FAM20C: variants seen among roughly 807,000 people sequenced by gnomAD.
FAM20C encodes FAM20C golgi associated secretory pathway kinase.
In FAM20C, 40 loss-of-function variants were observed where a neutral mutation model predicts 51.5. The ratio of observed to expected loss-of-function variants is 0.78; its 90% CI spans 0.60 to 1.01. FAM20C has a LOEUF of 1.01. FAM20C is among the 50% of genes least tolerant of loss of function. The probability of loss-of-function intolerance (pLI) is 0.00; values close to 1 mark genes in which losing one functional copy is unlikely to be tolerated. For missense variants in FAM20C, 861 were observed against 844.7 expected (o/e 1.02, Z -0.24); for synonymous variants, 406 against 380.6 (o/e 1.07, Z -0.78).
chr7:200,155 G>C (rs564474593), intron 2 of FAM20C, among the ~76,000 whole-genome samples: 1 of 152,374 alleles, frequency 6.6e-6, no homozygotes, highest in South Asian at 2.1e-4. Context: ...CAGCCACCGT[G>C]TCTGTTCCTT....
At chr7:211,025 G>A (rs532698310) in intron 3 of FAM20C, among the ~76,000 whole-genome samples, 11 of 152,020 alleles carry the variant, frequency 7.2e-5, no homozygotes, top group Non-Finnish European at 1.6e-4. Flanking sequence ...GAGAACTGGG[G>A]TTTAGAGAAG....
At chr7:201,989 A>G (rs1218071967) in intron 2 of FAM20C, among the ~76,000 whole-genome samples, 1 of 152,250 alleles carries the variant, frequency 6.6e-6, no homozygotes, top group Non-Finnish European at 1.5e-5. Context: ...ATGAATCAAT[A>G]GGAATGAGTC....
At chr7:252,254 CCGAGGGCACA>C (rs1788428831) in intron 5 of FAM20C, among the ~76,000 whole-genome samples, 1 of 147,604 alleles carries the variant, frequency 6.8e-6, no homozygotes. Context: ...CCTGCCGGAG[CCGAGGGCACA>C]TCAGAGGGCT....
At chr7:246,906 G>T (rs948875935) in intron 4 of FAM20C, among the ~76,000 whole-genome samples, 2 of 152,186 alleles carry the variant, frequency 1.3e-5, no homozygotes, top group African/African-American at 4.8e-5. Flanking sequence ...GGGAGAGGGC[G>T]CCTGCCCTCA....
intron 5 of FAM20C, among the ~76,000 whole-genome samples, 193 bp downstream of exon 5, chr7:248,623 C>T (rs1489569631): frequency 4.2e-4 from 59 of 139,184 alleles, no homozygotes; most frequent in Non-Finnish European, 5.1e-4. Flanking sequence ...TAGCCTGGCA[C>T]GGGGAGCCCA....
At position 195,762 on chromosome 7, in the gene FAM20C, T is replaced by TCTGTGTGCCGG. The variant is rs1260970994; in HGVS notation, c.784+38_784+48dup. ...GTGTCCTTGGGTGCACTCAGGGCCG[T>TCTGTGTGCCGG]CTGTGTGCCGGCTGTGTGGCATCAG... On this transcript the variant is annotated intron_variant, in intron 2 of 9. Coordinates refer to ENST00000313766, the MANE Select transcript of FAM20C (RefSeq NM_020223.4). 2.6e-6 allele frequency: 4 copies of TCTGTGTGCCGG among 1,531,354 alleles called. No homozygotes were observed. The South Asian group carries it at 3.8e-5, about 15-fold the overall frequency. 94.9% of individuals were successfully genotyped at this position (1,531,354 alleles called of 1,614,324 possible).
rs374202691 is a variant in FAM20C at position 250,312 on chromosome 7, G to C, written c.1072+1882G>C. Among the ~76,000 whole-genome samples the C allele has an allele frequency of 1.3e-5, 2 of 152,200 alleles. 1 individual carries two copies. Among genetic ancestry groups the C allele is most frequent in the South Asian group, 4.2e-4 (2 of 4,812 alleles). On this transcript the variant is annotated intron_variant, in intron 5 of 9. Coordinates refer to ENST00000313766, the MANE Select transcript of FAM20C (RefSeq NM_020223.4). ...CCAGGGCTCACCGAGATCCTCATTT[G>C]CTTTCTTCCTCTCAAAGCCCATTAA...
chr7:206,452 C>A (rs559325385), intron 2 of FAM20C, among the ~76,000 whole-genome samples: 1 of 151,552 alleles, frequency 6.6e-6, no homozygotes, highest in Non-Finnish European at 1.5e-5. Flanking sequence ...TGCACCCTCC[C>A]GTGCACTGTG....
rs1785662416 is a variant in FAM20C at position 193,309 on chromosome 7, G to A, written c.110G>A (p.Gly37Asp). The A allele has an allele frequency of 2.8e-6, 4 of 1,407,936 alleles. No homozygotes were observed. Among genetic ancestry groups the A allele is most frequent in the Non-Finnish European group, 3.7e-6 (4 of 1,073,712 alleles). 87.2% of individuals were successfully genotyped at this position (1,407,936 alleles called of 1,614,324 possible). Residue 37 changes from glycine (G) to aspartate (D), a missense_variant, in exon 1 of 10, where the codon GGC (glycine) becomes GAC (aspartate). Physicochemically the swap from Gly to Asp is moderately conservative, Grantham distance 94. Transcript: ENST00000313766. ...LDLLPRLERRGARPSGEPGCS... is the reference protein window; with the variant it reads ...LDLLPRLERRDARPSGEPGCS... ...CTGCTGCCCAGGCTGGAGCGACGCG[G>A]CGCGCGGCCCTCGGGGGAGCCCGGC... is the stretch of plus-strand genomic sequence containing the variant.
intron 2 of FAM20C, among the ~76,000 whole-genome samples, chr7:199,440 G>T (rs1393987214): frequency 6.6e-6 from 1 of 152,274 alleles, no homozygotes; most frequent in Admixed American, 6.5e-5. Flanking sequence ...ATTAGCACCT[G>T]CGTGCTCCAG....
chr7:250,152 A>T (rs1489456689), intron 5 of FAM20C, among the ~76,000 whole-genome samples: 2 of 152,084 alleles, frequency 1.3e-5, no homozygotes, highest in African/African-American at 4.8e-5. Flanking sequence ...GGCACATAAA[A>T]CCTTGACCTA....
intron 9 of FAM20C, among the ~76,000 whole-genome samples, chr7:259,418 C>G (rs1033483833): frequency 2.0e-5 from 3 of 152,188 alleles, no homozygotes; most frequent in Non-Finnish European, 2.9e-5. Context: ...CTCTCGCGGT[C>G]TCTCTCGTCT....
intron 2 of FAM20C, among the ~76,000 whole-genome samples, chr7:206,797 T>C (rs1786425334): frequency 7.3e-6 from 1 of 136,730 alleles, no homozygotes; most frequent in African/African-American, 2.9e-5. Flanking sequence ...CGCACACGTG[T>C]CCACTGTGAC....
At chr7:213,868 G>A (rs1230257005) in intron 3 of FAM20C, among the ~76,000 whole-genome samples, 1 of 152,130 alleles carries the variant, frequency 6.6e-6, no homozygotes, top group East Asian at 1.9e-4. Context: ...GGTGGGGGTG[G>A]AGGGGGGTTT....
At chr7:198,121 C>A (rs1369382876) in intron 2 of FAM20C, among the ~76,000 whole-genome samples, 2 of 152,220 alleles carry the variant, frequency 1.3e-5, no homozygotes, top group African/African-American at 4.8e-5. Flanking sequence ...CACATTGGTT[C>A]TCATCCAGTC....
chr7:193,595 C>T lies in FAM20C; in HGVS notation c.396C>T (p.His132=). 1 of 1,535,334 alleles carries T rather than the reference C, an allele frequency of 6.5e-7. No homozygotes were observed. The highest frequency in any genetic ancestry group is 8.8e-7 in the Non-Finnish European group (1 of 1,141,076). ...RGRDPGALRP[H]DPAHRPLLRD... The stretch of plus-strand genomic sequence containing the variant: ...GGGATCCCGGCGCCCTAAGACCCCA[C>T]GACCCCGCGCACCGGCCGCTGCTGC... The change falls in exon 1 of 10, where the codon CAC becomes CAT. Residue 132 remains histidine, a synonymous_variant. Coordinates refer to ENST00000313766, the MANE Select transcript of FAM20C (RefSeq NM_020223.4).
chr7:233,399 C>T (rs1425779767), intron 3 of FAM20C, among the ~76,000 whole-genome samples: 2 of 152,186 alleles, frequency 1.3e-5, no homozygotes, highest in African/African-American at 2.4e-5. Context: ...GCCCTGCCTT[C>T]GTGTGGCTGG....
At chr7:218,809 GGACGCACA>G (rs1787119052) in intron 3 of FAM20C, among the ~76,000 whole-genome samples, 3 of 152,112 alleles carry the variant, frequency 2.0e-5, no homozygotes, top group Non-Finnish European at 2.9e-5. Flanking sequence ...CACGGGCCCA[GGACGCACA>G]GATCACTCCG....
intron 3 of FAM20C, among the ~76,000 whole-genome samples, chr7:218,548 G>T (rs1405162965): frequency 6.6e-6 from 1 of 152,182 alleles, no homozygotes; most frequent in South Asian, 2.1e-4. Flanking sequence ...GGGCGGGGCA[G>T]GGTCTGAGTG....
Sources: gnomAD v4.1 joint callset for allele counts (sites outside exome capture counted in the v4.1 genomes callset) on GRCh38, gnomAD v4.1.1 for gene constraint, MANE v1.5 for transcripts, NCBI Gene and HGNC (gene_info 2026-07-23, HGNC 2026-07-21) for gene names.